The following NREP variants were observed in gnomAD, a reference collection of about 807,000 sequenced individuals.
NREP encodes neuronal regeneration related protein, also known as neuronal regeneration-related protein.
A neutral mutation model predicts 8.6 loss-of-function variants in NREP; 5 were observed. The ratio of observed to expected loss-of-function variants is 0.58; its 90% CI spans 0.30 to 1.22. The LOEUF is 1.22. Among genes scored for constraint, NREP ranks in the 50% most tolerant of loss-of-function variants. The probability of loss-of-function intolerance (pLI) is 0.07; values close to 1 mark genes in which losing one functional copy is unlikely to be tolerated. For synonymous variants in NREP, 27 were observed against 28.0 expected, an observed-to-expected ratio of 0.96 and a Z score of 0.11; for missense variants, 86 against 82.5, an observed-to-expected ratio of 1.04 and a Z score of -0.17.
Position 111,831,459 on chromosome 5 carries a change from A to G in NREP, c.136-95952T>C, listed in dbSNP as rs146250921. On this transcript the variant is annotated intron_variant, in intron 2 of 3. Coordinates refer to the NREP transcript ENST00000395634. ...CTTTTATTACAAAAGCCACTCAACA[A>G]TGGGCTGGTTGTCAACATATTTGAT... 1.4e-3 allele frequency among the ~76,000 whole-genome samples: 207 copies of G among 152,186 alleles called. 1 individual carries two copies. Among genetic ancestry groups the G allele is most frequent in the African/African-American group, 4.8e-3 (200 of 41,530 alleles).
Position 111,845,876 on chromosome 5 carries a change from A to G in NREP, c.136-110369T>C, listed in dbSNP as rs183915700. Among the ~76,000 whole-genome samples, 800 of 151,866 alleles carry G rather than the reference A, an allele frequency of 5.3e-3. 13 individuals are homozygous for G. The highest frequency in any genetic ancestry group is 0.018 in the African/African-American group (765 of 41,506). On this transcript the variant is annotated intron_variant, in intron 2 of 3. Transcript: ENST00000395634. ...TTCTACCAAAAAAAAAAAAGAAAAG[A>G]AAAGAAACCTCATAGGAATAGAAGT...
At chr5:111,858,541 T>C (rs371352580) in intron 2 of NREP, among the ~76,000 whole-genome samples, 2 of 152,046 alleles carry the variant, frequency 1.3e-5, no homozygotes, top group African/African-American at 4.8e-5. Flanking sequence ...ATCCCAGCAC[T>C]TGGGGAGTCT....
intron 2 of NREP, among the ~76,000 whole-genome samples, chr5:111,748,174 G>C (rs2112832734): frequency 6.6e-6 from 1 of 152,244 alleles, no homozygotes; most frequent in East Asian, 1.9e-4. Context: ...CTGCCCAAAG[G>C]AGTGCAAAAG....
chr5:111,897,749 C>T (rs990797789), intron 2 of NREP, among the ~76,000 whole-genome samples: 3 of 152,056 alleles, frequency 2.0e-5, no homozygotes, highest in Admixed American at 2.0e-4. Flanking sequence ...CTCTCTTTTT[C>T]AAACCCAAAT....
intron 2 of NREP, among the ~76,000 whole-genome samples, chr5:111,825,960 T>A (rs1272895418): frequency 6.6e-6 from 1 of 151,094 alleles, no homozygotes; most frequent in Non-Finnish European, 1.5e-5. Context: ...CGTTTGGATT[T>A]TTTTTTTTTT....
At chr5:111,856,210 G>T (rs999066248) in intron 2 of NREP, among the ~76,000 whole-genome samples, 1 of 152,104 alleles carries the variant, frequency 6.6e-6, no homozygotes, top group Non-Finnish European at 1.5e-5. Flanking sequence ...CAAAGGGATC[G>T]TAAACATATG....
intron 2 of NREP, among the ~76,000 whole-genome samples, chr5:111,931,780 G>T (rs1375339553): frequency 6.6e-6 from 1 of 152,054 alleles, no homozygotes; most frequent in Non-Finnish European, 1.5e-5. Context: ...AGAATTACAG[G>T]TTCCTCCATG....
intron 2 of NREP, among the ~76,000 whole-genome samples, chr5:111,792,674 A>C (rs1359427835): frequency 1.3e-5 from 2 of 152,048 alleles, no homozygotes; most frequent in Non-Finnish European, 2.9e-5. Flanking sequence ...GAATGTGTAG[A>C]AAAAAATGAT....
At chr5:111,749,709 ATCTT>A (rs754222181) in intron 2 of NREP, among the ~76,000 whole-genome samples, 37 of 152,162 alleles carry the variant, frequency 2.4e-4, no homozygotes, top group East Asian at 3.9e-4. Flanking sequence ...GGGAAGCATG[ATCTT>A]TCTATCGGGG....
intron 2 of NREP, among the ~76,000 whole-genome samples, chr5:111,895,780 A>C (rs746828773): frequency 3.4e-4 from 52 of 152,144 alleles, no homozygotes; most frequent in Non-Finnish European, 6.6e-4. Context: ...GACAACAAAA[A>C]ATATTTCCAG....
chr5:111,758,131 G>A (rs1750855035), upstream of NREP: 4 of 985,342 alleles, frequency 4.1e-6, no homozygotes, highest in Admixed American at 1.2e-4. Flanking sequence ...CCCTCAGCTG[G>A]GTACGCGCGC....
chr5:111,852,553 T>G (rs1753336306), intron 2 of NREP, among the ~76,000 whole-genome samples: 1 of 152,146 alleles, frequency 6.6e-6, no homozygotes, highest in Non-Finnish European at 1.5e-5. Flanking sequence ...AAGTACCTAT[T>G]ATGAGCAAAG....
intron 2 of NREP, among the ~76,000 whole-genome samples, chr5:111,790,667 G>A (rs139356194): frequency 1.3e-3 from 199 of 152,184 alleles, no homozygotes; most frequent in Non-Finnish European, 2.1e-3. Context: ...CAAATTAAAT[G>A]CAGAATATAG....
At chr5:111,801,113 G>C (rs1029875584) in intron 2 of NREP, among the ~76,000 whole-genome samples, 3 of 152,182 alleles carry the variant, frequency 2.0e-5, no homozygotes, top group African/African-American at 7.2e-5. Context: ...ACATTCCTGT[G>C]TCATAAAGCT....
intron 2 of NREP, among the ~76,000 whole-genome samples, chr5:111,849,702 A>C (rs1472763896): frequency 1.3e-5 from 2 of 152,044 alleles, no homozygotes; most frequent in African/African-American, 4.8e-5. Context: ...TTTATTATAT[A>C]TAGTAAGAAG....
chr5:111,863,435 G>T (rs1175976204), intron 2 of NREP, among the ~76,000 whole-genome samples: 2 of 152,086 alleles, frequency 1.3e-5, no homozygotes, highest in Non-Finnish European at 2.9e-5. Context: ...CAGAAAAGAG[G>T]TCTGTGCTGA....
chr5:111,882,870 T>A (rs1361523852), intron 2 of NREP, among the ~76,000 whole-genome samples: 1 of 152,176 alleles, frequency 6.6e-6, no homozygotes, highest in Non-Finnish European at 1.5e-5. Context: ...CACTGCAAAA[T>A]CATGCCAAAT....
intron 1 of NREP, chr5:111,756,311 A>AAACCCT: frequency 3.3e-6 from 1 of 299,000 alleles, no homozygotes; most frequent in Non-Finnish European, 4.5e-6. Context: ...AAAAAAAAAA[A>AAACCCT]ACCCTACACG....
chr5:111,884,860 C>A (rs1393647259), intron 2 of NREP, among the ~76,000 whole-genome samples: 2 of 152,180 alleles, frequency 1.3e-5, no homozygotes, highest in Admixed American at 6.5e-5. Context: ...AAACCCACAG[C>A]CAATATCATA....
Sources: gnomAD v4.1 joint callset for allele counts (sites outside exome capture counted in the v4.1 genomes callset) on GRCh38, gnomAD v4.1.1 for gene constraint, MANE v1.5 for transcripts, NCBI Gene and HGNC (gene_info 2026-07-23, HGNC 2026-07-21) for gene names.